NRXN3: variants seen among roughly 807,000 people sequenced by gnomAD.
NRXN3 encodes neurexin 3.
Under a neutral mutation model 137.6 loss-of-function variants are expected in NRXN3, and 32 were observed. That is an observed-to-expected ratio of 0.23 (90% CI 0.18 to 0.31). The LOEUF (loss-of-function observed/expected upper bound fraction) is 0.31, where lower values mean the gene tolerates loss of function less well. Among genes scored for constraint, NRXN3 ranks in the 10% least tolerant of loss-of-function variants. The pLI is 1.00. For synonymous variants in NRXN3, 798 were observed against 784.5 expected (o/e 1.02, Z -0.29); for missense variants, 1,574 against 2,062.5 (o/e 0.76, Z 4.59).
At chr14:79,191,494 G>C (rs2064305554) in intron 15 of NRXN3, among the ~76,000 whole-genome samples, 1 of 152,166 alleles carries the variant, frequency 6.6e-6, no homozygotes, top group South Asian at 2.1e-4. Context: ...CTGACTTCTT[G>C]CATAACTATG....
chr14:78,352,017 G>A (rs1000867505), intron 4 of NRXN3, among the ~76,000 whole-genome samples: 18 of 150,664 alleles, frequency 1.2e-4, no homozygotes, highest in African/African-American at 4.4e-4. Flanking sequence ...AATCCGGGAG[G>A]CAGAGGATTG....
At chr14:79,226,207 G>C (rs551566197) in intron 15 of NRXN3, among the ~76,000 whole-genome samples, 1 of 152,124 alleles carries the variant, frequency 6.6e-6, no homozygotes, top group East Asian at 1.9e-4. Flanking sequence ...CTGTGAGAGG[G>C]GAAACAGCTT....
chr14:79,428,840 TA>T (rs2095698528), intron 15 of NRXN3, among the ~76,000 whole-genome samples: 1 of 152,198 alleles, frequency 6.6e-6, no homozygotes, highest in Non-Finnish European at 1.5e-5. Flanking sequence ...TGTATTAAAA[TA>T]AATACAGTAG....
At chr14:79,647,392 T>C (rs2098457337) in intron 16 of NRXN3, among the ~76,000 whole-genome samples, 1 of 135,882 alleles carries the variant, frequency 7.4e-6, no homozygotes, top group Non-Finnish European at 1.7e-5. Context: ...TACCTTTCTA[T>C]ACGGAACGGT....
intron 15 of NRXN3, among the ~76,000 whole-genome samples, chr14:78,990,359 C>CTTTT (rs778508663): frequency 7.0e-5 from 8 of 114,500 alleles, no homozygotes; most frequent in African/African-American, 2.3e-4. Context: ...AAGTTCACAT[C>CTTTT]TATTTTTTTT....
chr14:79,195,133 C>T (rs1393982600), intron 15 of NRXN3, among the ~76,000 whole-genome samples: 1 of 152,100 alleles, frequency 6.6e-6, no homozygotes, highest in African/African-American at 2.4e-5. Flanking sequence ...CCCTGGCTTC[C>T]TCTCCTCAGA....
intron 15 of NRXN3, among the ~76,000 whole-genome samples, chr14:79,371,719 C>T (rs2094116386): frequency 6.6e-6 from 1 of 151,996 alleles, no homozygotes. Context: ...CATTGGATGG[C>T]AGTGAACGTA....
chr14:78,244,019 G>A (rs566850950), intron 2 of NRXN3, among the ~76,000 whole-genome samples: 4 of 152,294 alleles, frequency 2.6e-5, no homozygotes, highest in African/African-American at 9.6e-5. Flanking sequence ...TGAACCCTGG[G>A]CTCTGTACCC....
In NRXN3 at chr14:78,947,714, T is replaced by C. The variant is rs1422197157; in HGVS notation, c.2276-9528T>C. ...CCCCAGGAGTCTGGTCAGTTTTTGG[T>C]AATTTACAACCATGGTCCCTCAGCC... On this transcript the variant is annotated intron_variant, in intron 10 of 20. Transcript: ENST00000335750. Among the ~76,000 whole-genome samples, 5 of 152,314 alleles carry C rather than the reference T, an allele frequency of 3.3e-5. No individual in the cohort carries two copies. The South Asian group carries it at 8.3e-4, about 25-fold the overall frequency.
chr14:78,466,401 G>A (rs2095107904), intron 4 of NRXN3, among the ~76,000 whole-genome samples: 1 of 152,168 alleles, frequency 6.6e-6, no homozygotes, highest in South Asian at 2.1e-4. Flanking sequence ...GGACATAACA[G>A]GTTGCATCAT....
intron 15 of NRXN3, among the ~76,000 whole-genome samples, chr14:79,011,902 G>A (rs764398058): frequency 6.6e-6 from 1 of 152,194 alleles, no homozygotes; most frequent in Non-Finnish European, 1.5e-5. Context: ...GAAGCAGTTC[G>A]ATGGGAGAAT....
At chr14:79,555,023 GAA>G (rs1187604199) in intron 16 of NRXN3, among the ~76,000 whole-genome samples, 5 of 152,122 alleles carry the variant, frequency 3.3e-5, no homozygotes, top group Non-Finnish European at 7.4e-5. Context: ...TGTCAAGAGT[GAA>G]ACATTCAGGT....
intron 4 of NRXN3, among the ~76,000 whole-genome samples, chr14:78,338,264 G>GA (rs1567301428): frequency 6.6e-6 from 1 of 152,070 alleles, no homozygotes; most frequent in South Asian, 2.1e-4. Flanking sequence ...TGATGAAAAT[G>GA]AAAAAAACAA....
At chr14:79,743,888 T>G (rs186267812) in intron 19 of NRXN3, among the ~76,000 whole-genome samples, 10 of 152,198 alleles carry the variant, frequency 6.6e-5, no homozygotes, top group African/African-American at 2.4e-4. Flanking sequence ...AATATTCAAT[T>G]TATATGTAAG....
In NRXN3 at chr14:79,056,345, C is replaced by T. The variant is rs187413524; in HGVS notation, c.3262+68204C>T. Among the ~76,000 whole-genome samples the T allele has an allele frequency of 4.6e-5, 7 of 152,060 alleles. No homozygotes were observed. In the East Asian group the frequency reaches 1.4e-3, roughly 29 times the overall value. ...TTAATTTCAATAAAATCTGATGCTC[C>T]AAAAATTGAAAACATAACTTACCAT... On this transcript the variant is annotated intron_variant, in intron 15 of 20. Coordinates refer to ENST00000335750, the MANE Select transcript of NRXN3 (RefSeq NM_001330195.2).
At chr14:79,290,485 C>T (rs1192709283) in intron 15 of NRXN3, among the ~76,000 whole-genome samples, 1 of 152,064 alleles carries the variant, frequency 6.6e-6, no homozygotes, top group Non-Finnish European at 1.5e-5. Flanking sequence ...ATAATCATCC[C>T]AAACACCAAA....
At chr14:78,279,930 AAGT>A (rs1277728614) in intron 3 of NRXN3, among the ~76,000 whole-genome samples, 1 of 152,206 alleles carries the variant, frequency 6.6e-6, no homozygotes. Context: ...CACAACATAA[AAGT>A]AGAATACAGT....
Position 78,669,863 on chromosome 14 carries a change from A to T in NRXN3, c.1221+18537A>T, listed in dbSNP as rs184937708. Among the ~76,000 whole-genome samples, 16 of 151,996 alleles carry T rather than the reference A, an allele frequency of 1.1e-4. No individual in the cohort carries two copies. The East Asian group carries it at 2.5e-3, about 24-fold the overall frequency. On this transcript the variant is annotated intron_variant, in intron 6 of 20. Transcript: ENST00000335750. ...GGATTTTTTTAAATTTTATGTATTT[A>T]TTTATTTTTTATTATACTGTAAGTT...
intron 16 of NRXN3, among the ~76,000 whole-genome samples, chr14:79,508,917 C>T (rs2153686644): frequency 6.6e-6 from 1 of 152,146 alleles, no homozygotes; most frequent in South Asian, 2.1e-4. Context: ...GCTAACCAAG[C>T]ATGCTGGCTC....
Sources: allele counts gnomAD v4.1 joint callset (sites outside exome capture counted in the v4.1 genomes callset), GRCh38; gene constraint gnomAD v4.1.1; transcripts MANE v1.5; gene names NCBI Gene and HGNC (gene_info 2026-07-23, HGNC 2026-07-21).